NOS2: variants seen among roughly 807,000 people sequenced by gnomAD.
NOS2 encodes nitric oxide synthase 2.
Under a neutral mutation model 136.0 loss-of-function variants are expected in NOS2, and 96 were observed. That is an observed-to-expected ratio of 0.71 (90% CI 0.60 to 0.84). The LOEUF is 0.84. Among genes scored for constraint, NOS2 ranks in the 40% least tolerant of loss-of-function variants. NOS2 has a pLI of 0.00. For missense variants in NOS2, 1,237 were observed against 1,496.9 expected (o/e 0.83, Z 2.87); for synonymous variants, 539 against 587.5 (o/e 0.92, Z 1.20).
chr17:27,786,363 T>C (rs932122149), intron 5 of NOS2, among the ~76,000 whole-genome samples: 8 of 150,754 alleles, frequency 5.3e-5, no homozygotes, highest in Admixed American at 6.6e-5. Context: ...GAGGCAGAGG[T>C]TGAAGTGAGC....
chr17:27,759,909 A>T, intron 25 of NOS2, 121 bp downstream of exon 25: 1 of 939,216 alleles, frequency 1.1e-6, no homozygotes. Context: ...ATGGTTGTGA[A>T]TTACCAGCAT....
chr17:27,765,419 C>T, intron 20 of NOS2, 116 bp downstream of exon 20: 1 of 950,402 alleles, frequency 1.1e-6, no homozygotes. Context: ...GGTGGCCCGC[C>T]CTCTCAGCAG....
At chr17:27,798,675 G>A (rs1909432613) in intron 2 of NOS2, 25 bp downstream of exon 2, 1 of 1,452,954 alleles carries the variant, frequency 6.9e-7, no homozygotes, top group African/African-American at 1.4e-5. Context: ...GAGACAAGCA[G>A]GAGGTTCCCC....
At chr17:27,779,248 G>T (rs1908763575) in intron 9 of NOS2, among the ~76,000 whole-genome samples, 192 bp from the exon 10 acceptor site, 1 of 149,758 alleles carries the variant, frequency 6.7e-6, no homozygotes, top group South Asian at 2.1e-4. Flanking sequence ...AAGTAGCTAG[G>T]ACTGCAGGCA....
chr17:27,769,057 G>T lies in NOS2; in HGVS notation c.1954C>A (p.Gln652Lys). The change falls in exon 17 of 27, where the codon CAG becomes AAG. Residue 652 changes from glutamine (Q) to lysine (K), a missense_variant. Around this residue, in one of 3 missense-constraint regions of NOS2, gnomAD observed 782 missense variants for 909.9 expected, o/e 0.86. Coordinates refer to ENST00000313735, the MANE Select transcript of NOS2 (RefSeq NM_000625.4). Reference sequence around the variant, plus strand: ...TCCCCTTCTCCCATCGGGGTGAGCTGAGAGGCCCCCAGGTGGGACAGCTTC... The same window carrying T: ...TCCCCTTCTCCCATCGGGGTGAGCTTAGAGGCCCCCAGGTGGGACAGCTTC... ...DQKLSHLGASQLTPMGEGDEL... is the reference protein window; with the variant it reads ...DQKLSHLGASKLTPMGEGDEL... 1 of 1,612,758 alleles carries T rather than the reference G, an allele frequency of 6.2e-7. No individual in the cohort carries two copies. The highest frequency in any genetic ancestry group is 1.1e-5 in the South Asian group (1 of 90,752).
chr17:27,794,714 GCACACACACACACA>G (rs56767383), intron 2 of NOS2, among the ~76,000 whole-genome samples: 2 of 145,506 alleles, frequency 1.4e-5, no homozygotes, highest in Admixed American at 1.4e-4. Context: ...ACACACACGC[GCACACACACACACA>G]CACACACACA....
intron 3 of NOS2, 146 bp from the exon 4 acceptor site, chr17:27,789,077 A>G: frequency 8.7e-7 from 1 of 1,143,916 alleles, no homozygotes. Context: ...CCCCCGGGCG[A>G]CCTGGGCCAG....
chr17:27,793,756 C>G, intron 2 of NOS2: 1 of 388,300 alleles, frequency 2.6e-6, no homozygotes, highest in Non-Finnish European at 4.6e-6. Context: ...CGCGCTTTAT[C>G]GCTCGGAGCC....
chr17:27,760,640 T>G lies in NOS2; in HGVS notation c.2993A>C (p.His998Pro), dbSNP rs1597542767. ...AGCCTTACCCTTGTGCTGGGAGTCA[T>G]GGAGCCGTTGCTGCCAGAAACTGCG... is the stretch of plus-strand genomic sequence containing the variant. The part of the protein sequence containing the change: ...PFRSFWQQRL[H>P]DSQHKGVRGG... The change falls in exon 24 of 27, where the codon CAT becomes CCT. Residue 998 changes from histidine (H) to proline (P), a missense_variant. This residue lies in a region of NOS2 where 782 missense variants were observed against 909.9 expected (regional missense o/e 0.86). Coordinates refer to ENST00000313735, the MANE Select transcript of NOS2 (RefSeq NM_000625.4). 6.4e-7 allele frequency: 1 copy of G among 1,553,718 alleles called. No individual in the cohort carries two copies. Among genetic ancestry groups the G allele is most frequent in the South Asian group, 1.2e-5 (1 of 84,232 alleles).
At position 27,758,905 on chromosome 17, in the gene NOS2, G is replaced by A. The variant is rs3729662; in HGVS notation, c.3330C>T (p.Val1110=). The change falls in exon 26 of 27, where the codon GTC becomes GTT. Residue 1110 remains valine (V), a synonymous_variant. Transcript: ENST00000313735. ...AAKLKLNEEQ[V]EDYFFQLKSQ... ...CCTTGAGCTGAAAGAAATAGTCCTCGACCTGCTCCTCATTCAATTTCAGCT... is the reference window on the plus strand; with the variant it reads ...CCTTGAGCTGAAAGAAATAGTCCTCAACCTGCTCCTCATTCAATTTCAGCT... The A allele has an allele frequency of 2.2e-3, 3,549 of 1,606,666 alleles. 59 individuals are homozygous for A. In the African/African-American group the frequency reaches 0.041, roughly 18 times the overall value.
At chr17:27,763,182 A>T (rs1376044224) in intron 21 of NOS2, among the ~76,000 whole-genome samples, 177 bp from the exon 22 acceptor site, 2 of 152,222 alleles carry the variant, frequency 1.3e-5, no homozygotes, top group African/African-American at 4.8e-5. Context: ...CCTGTCCTGG[A>T]GGAACTCAGT....
At chr17:27,768,896 G>T in intron 17 of NOS2, 81 bp downstream of exon 17, 2 of 1,406,530 alleles carry the variant, frequency 1.4e-6, no homozygotes, top group Middle Eastern at 2.2e-4. Context: ...CATGCCACCT[G>T]GGACGCCCAG....
intron 2 of NOS2, among the ~76,000 whole-genome samples, chr17:27,792,168 G>A (rs1597559721): frequency 1.3e-5 from 2 of 152,202 alleles, no homozygotes; most frequent in Non-Finnish European, 1.5e-5. Flanking sequence ...GATGGGCCAC[G>A]ATTAGCCTGG....
At chr17:27,767,951 C>G (rs556008163) in intron 17 of NOS2, 114 bp from the exon 18 acceptor site, 1 of 1,356,118 alleles carries the variant, frequency 7.4e-7, no homozygotes, top group African/African-American at 1.4e-5. Flanking sequence ...CCGTGTGTTT[C>G]GTGTAACTTC....
chr17:27,799,182 C>G (rs1909452907), intron 1 of NOS2, among the ~76,000 whole-genome samples: 1 of 152,188 alleles, frequency 6.6e-6, no homozygotes, highest in African/African-American at 2.4e-5. Flanking sequence ...TGCTGGCCCA[C>G]CAGACCCAGC....
At chr17:27,763,396 A>T (rs1908199265) in intron 21 of NOS2, among the ~76,000 whole-genome samples, 1 of 152,086 alleles carries the variant, frequency 6.6e-6, no homozygotes, top group South Asian at 2.1e-4. Flanking sequence ...TCTTGTGGGG[A>T]TGTTATGGGA....
rs867417361 is a variant in NOS2 at position 27,793,852 on chromosome 17, C to T, written c.111-4164G>A. The stretch of plus-strand genomic sequence containing the variant: ...GATGTCCCGGGCCGAGCTGCCCCTC[C>T]TTCCCTGCCTTCCCCGGCGATCCCG... On this transcript the variant is annotated intron_variant, in intron 2 of 26. Coordinates refer to ENST00000313735, the MANE Select transcript of NOS2 (RefSeq NM_000625.4). 2.4e-4 allele frequency: 89 copies of T among 370,766 alleles called. 1 individual carries two copies. The highest frequency in any genetic ancestry group is 2.1e-3 in the Middle Eastern group (3 of 1,424). 23.0% of individuals were successfully genotyped at this position (370,766 alleles called of 1,614,324 possible).
intron 18 of NOS2, 60 bp downstream of exon 18, chr17:27,767,645 T>C: frequency 3.2e-6 from 5 of 1,581,568 alleles, no homozygotes; most frequent in South Asian, 1.1e-5. Flanking sequence ...TCCTTGACCA[T>C]GGGCTTAGGG....
At position 27,768,833 on chromosome 17, in the gene NOS2, T is replaced by C. The variant is rs887945182; in HGVS notation, c.2034+144A>G. 7.0e-5 allele frequency: 60 copies of C among 862,736 alleles called. No homozygotes were observed. In the South Asian group the frequency reaches 7.4e-4, roughly 11 times the overall value. 53.4% of individuals were successfully genotyped at this position (862,736 alleles called of 1,614,324 possible). On this transcript the variant is annotated intron_variant, in intron 17 of 26. Coordinates refer to ENST00000313735, the MANE Select transcript of NOS2 (RefSeq NM_000625.4). ...GCAGCAGTGACCTAAGCCCTCAGGT[T>C]TGTGGCCCTGGCCCATGCCTGGGAC...
Sources: allele counts gnomAD v4.1 joint callset (sites outside exome capture counted in the v4.1 genomes callset), GRCh38; gene constraint gnomAD v4.1.1; regional missense constraint gnomAD v4.1.1; transcripts MANE v1.5; gene names NCBI Gene and HGNC (gene_info 2026-07-23, HGNC 2026-07-21).